Variants in NUAK1 observed in about 807,000 individuals in gnomAD.
NUAK1 encodes NUAK family kinase 1.
Under a neutral mutation model 56.9 loss-of-function variants are expected in NUAK1, and 26 were observed. The ratio of observed to expected loss-of-function variants is 0.46; its 90% CI spans 0.33 to 0.63. The LOEUF is 0.63. NUAK1 is among the 30% of genes least tolerant of loss of function. The pLI is 0.02. For missense variants in NUAK1, 727 were observed against 876.1 expected, an observed-to-expected ratio of 0.83 and a Z score of 2.15; for synonymous variants, 337 against 336.0, an observed-to-expected ratio of 1.00 and a Z score of -0.03.
chr12:106,087,040 G>C, intron 2 of NUAK1, 155 bp from the exon 3 acceptor site: 1 of 882,250 alleles, frequency 1.1e-6, no homozygotes, highest in Non-Finnish European at 1.7e-6. Context: ...ATCACGAGGC[G>C]TGGGGCGTGC....
intron 1 of NUAK1, among the ~76,000 whole-genome samples, chr12:106,128,134 C>CTTTTTT (rs1399268734): frequency 2.2e-5 from 3 of 136,680 alleles, no homozygotes; most frequent in African/African-American, 5.8e-5. Flanking sequence ...TTTTCTTTTT[C>CTTTTTT]TTTTTTTTTT....
chr12:106,104,620 C>G (rs1455566883), intron 2 of NUAK1, among the ~76,000 whole-genome samples: 1 of 152,170 alleles, frequency 6.6e-6, no homozygotes, highest in Non-Finnish European at 1.5e-5. Flanking sequence ...GCTCATGCCA[C>G]TAGCCCAGGC....
chr12:106,082,542 CA>C (rs2032527592), intron 4 of NUAK1, among the ~76,000 whole-genome samples: 1 of 152,212 alleles, frequency 6.6e-6, no homozygotes, highest in African/African-American at 2.4e-5. Context: ...ACTCTACAAC[CA>C]GTGCTCCTTC....
intron 2 of NUAK1, among the ~76,000 whole-genome samples, chr12:106,092,869 T>C (rs2032650725): frequency 6.6e-6 from 1 of 152,216 alleles, no homozygotes. Flanking sequence ...GTTCTGCTTT[T>C]TGCATTACAT....
At chr12:106,121,728 G>A (rs986697823) in intron 1 of NUAK1, among the ~76,000 whole-genome samples, 4 of 151,680 alleles carry the variant, frequency 2.6e-5, no homozygotes, top group African/African-American at 9.7e-5. Flanking sequence ...CCAGCCTGGG[G>A]TACAGAGCGA....
At chr12:106,080,767 G>T (rs1592850276) in intron 4 of NUAK1, among the ~76,000 whole-genome samples, 1 of 152,150 alleles carries the variant, frequency 6.6e-6, no homozygotes, top group Non-Finnish European at 1.5e-5. Context: ...GTGGAAAATG[G>T]ATCCACATTT....
chr12:106,136,132 G>T (rs1302954345), intron 1 of NUAK1, among the ~76,000 whole-genome samples: 1 of 152,158 alleles, frequency 6.6e-6, no homozygotes, highest in East Asian at 1.9e-4. Context: ...CATTCTGTAA[G>T]CTCAGCTATC....
chr12:106,130,899 A>G (rs1423791525), intron 1 of NUAK1, among the ~76,000 whole-genome samples: 1 of 152,252 alleles, frequency 6.6e-6, no homozygotes, highest in East Asian at 1.9e-4. Flanking sequence ...AATCCATAAA[A>G]GAAGAACTAT....
chr12:106,104,481 T>A (rs1483856558), intron 2 of NUAK1, among the ~76,000 whole-genome samples: 1 of 152,210 alleles, frequency 6.6e-6, no homozygotes, highest in African/African-American at 2.4e-5. Context: ...AAGTAGACAC[T>A]CCACTCAGTA....
intron 3 of NUAK1, among the ~76,000 whole-genome samples, chr12:106,084,225 G>A (rs1184848457): frequency 6.6e-6 from 1 of 152,212 alleles, no homozygotes; most frequent in East Asian, 1.9e-4. Context: ...TTGTCGGAAT[G>A]TAATTCCACT....
At chr12:106,118,520 CG>C (rs2032942422) in intron 1 of NUAK1, among the ~76,000 whole-genome samples, 1 of 152,140 alleles carries the variant, frequency 6.6e-6, no homozygotes, top group Non-Finnish European at 1.5e-5. Flanking sequence ...AAGGTCTGGT[CG>C]GGGAGCTAAT....
intron 3 of NUAK1, among the ~76,000 whole-genome samples, chr12:106,084,389 C>T (rs182340630): frequency 1.7e-4 from 26 of 152,318 alleles, no homozygotes; most frequent in East Asian, 7.7e-4. Flanking sequence ...GCCTACTCAA[C>T]GCTGGAAAGA....
intron 1 of NUAK1, among the ~76,000 whole-genome samples, chr12:106,119,010 T>C (rs1169934163): frequency 6.6e-6 from 1 of 152,186 alleles, no homozygotes; most frequent in Non-Finnish European, 1.5e-5. Flanking sequence ...TCTGAGTCCA[T>C]CTCAGTATTA....
chr12:106,073,849 A>C (rs1451003906), intron 4 of NUAK1, among the ~76,000 whole-genome samples: 1 of 152,066 alleles, frequency 6.6e-6, no homozygotes, highest in Non-Finnish European at 1.5e-5. Flanking sequence ...CCGTGAGTGT[A>C]ACAGTGGTTC....
At chr12:106,086,672 A>G (rs2251027) in intron 3 of NUAK1, 62 bp downstream of exon 3, 621,820 of 1,524,904 alleles carry the variant, frequency 0.41, 127,386 homozygotes, top group Admixed American at 0.47. Context: ...TAATAGGAAA[A>G]AAATCATGCA....
At chr12:106,092,066 C>A (rs1199692248) in intron 2 of NUAK1, among the ~76,000 whole-genome samples, 1 of 151,938 alleles carries the variant, frequency 6.6e-6, no homozygotes, top group Non-Finnish European at 1.5e-5. Flanking sequence ...AAATAGGGCA[C>A]CAGCACTCAC....
At chr12:106,104,646 G>C (rs1262057128) in intron 2 of NUAK1, among the ~76,000 whole-genome samples, 4 of 152,188 alleles carry the variant, frequency 2.6e-5, no homozygotes, top group Non-Finnish European at 5.9e-5. Flanking sequence ...GAGAAGCACT[G>C]TAAGAGGTGT....
Position 106,067,841 on chromosome 12 carries a change from T to C in NUAK1, c.947A>G (p.Asp316Gly). ...VNWGYKSSVC[D>G]CDALHDSESP... ...CTCAGAGTCATGGAGGGCATCACAGTCACACACGCTGCTCTTATAGCCCCA... is the reference window on the plus strand; with the variant it reads ...CTCAGAGTCATGGAGGGCATCACAGCCACACACGCTGCTCTTATAGCCCCA... The change falls in exon 7 of 7, where the codon GAC becomes GGC. Residue 316 changes from aspartate to glycine, a missense_variant. Asp to Gly is a moderately conservative substitution (Grantham distance 94, BLOSUM62 -1). Transcript: ENST00000261402. The surrounding 1 kb of genome is among the most constrained non-coding windows in gnomAD (Gnocchi z 6.0). 6.2e-7 allele frequency: 1 copy of C among 1,614,170 alleles called. No homozygotes were observed. Among genetic ancestry groups the C allele is most frequent in the Non-Finnish European group, 8.5e-7 (1 of 1,180,032 alleles).
intron 4 of NUAK1, among the ~76,000 whole-genome samples, chr12:106,081,154 GT>G (rs1413874438): frequency 5.3e-5 from 8 of 152,152 alleles, no homozygotes; most frequent in Admixed American, 4.6e-4. Context: ...CCATTTTGAA[GT>G]ACCTACTGTG....
Sources: allele counts gnomAD v4.1 joint callset (sites outside exome capture counted in the v4.1 genomes callset), GRCh38; gene constraint gnomAD v4.1.1; non-coding constraint Gnocchi (gnomAD v3.1); transcripts MANE v1.5; gene names NCBI Gene and HGNC (gene_info 2026-07-23, HGNC 2026-07-21).